Variants in RSPH14 observed in about 807,000 individuals in gnomAD.
RSPH14 encodes radial spoke head 14 homolog, also known as rhabdoid tumor deletion region gene 1.
In RSPH14, 20 loss-of-function variants were observed where a neutral mutation model predicts 26.7. The ratio of observed to expected loss-of-function variants is 0.75; its 90% confidence interval spans 0.53 to 1.09. The LOEUF (loss-of-function observed/expected upper bound fraction) is 1.09. RSPH14 is among the 50% of genes least tolerant of loss of function. The pLI is 0.00. For synonymous variants in RSPH14, 177 were observed against 189.3 expected (o/e 0.93, Z 0.53); for missense variants, 449 against 457.2 (o/e 0.98, Z 0.16).
At chr22:23,130,095 GA>G (rs1181456631) in intron 4 of RSPH14, among the ~76,000 whole-genome samples, 13 of 45,940 alleles carry the variant, frequency 2.8e-4, no homozygotes, top group South Asian at 7.4e-4. Context: ...AAGAAAGAAA[GA>G]AAGAAAGAAA....
intron 4 of RSPH14, among the ~76,000 whole-genome samples, chr22:23,087,479 C>T (rs967484171): frequency 2.0e-5 from 3 of 152,258 alleles, no homozygotes; most frequent in Middle Eastern, 3.4e-3. Flanking sequence ...AGCTTATAAC[C>T]GCCCAAGGGG....
the RSPH14 span, chr22:23,152,648 C>CCT: frequency 1.1e-6 from 1 of 928,486 alleles, no homozygotes; most frequent in African/African-American, 1.6e-5. Flanking sequence ...AACTGCTGTG[C>CCT]CTCAGCCTGC....
the RSPH14 span, among the ~76,000 whole-genome samples, chr22:23,153,985 G>A: frequency 2.0e-5 from 3 of 151,954 alleles, no homozygotes; most frequent in East Asian, 1.9e-4. Context: ...CACCGTACCC[G>A]GCCCACTTCT....
chr22:23,059,459 G>T lies in RSPH14; in HGVS notation c.*3C>A, dbSNP rs779850565. On this transcript the variant is annotated 3_prime_UTR_variant, in exon 7 of 7. Coordinates refer to ENST00000216036, the MANE Select transcript of RSPH14 (RefSeq NM_014433.3). The stretch of plus-strand genomic sequence containing the variant: ...TATTCACTCACAGAGGTGAATGAAG[G>T]GCTCAGGGTTTGAACTCGATGACAC... 1.3e-6 allele frequency: 2 copies of T among 1,595,486 alleles called. No homozygotes were observed. Among genetic ancestry groups the T allele is most frequent in the Non-Finnish European group, 1.7e-6 (2 of 1,168,134 alleles).
At chr22:23,068,863 T>A (rs1210833453) in intron 4 of RSPH14, among the ~76,000 whole-genome samples, 1 of 152,088 alleles carries the variant, frequency 6.6e-6, no homozygotes, top group African/African-American at 2.4e-5. Context: ...TGGCAAGAGG[T>A]CCAGCCTGAC....
At chr22:23,105,904 T>A (rs6003508) in intron 4 of RSPH14, among the ~76,000 whole-genome samples, 16,661 of 152,106 alleles carry the variant, frequency 0.11, 2,923 homozygotes, top group African/African-American at 0.37. Flanking sequence ...GCAGGAGAGC[T>A]TATGGGGTCA....
At chr22:23,106,194 G>A (rs1376937150) in intron 4 of RSPH14, among the ~76,000 whole-genome samples, 2 of 152,344 alleles carry the variant, frequency 1.3e-5, no homozygotes, top group East Asian at 3.9e-4. Context: ...CTCCCATTTG[G>A]ACCTAAGACC....
intron 2 of RSPH14, among the ~76,000 whole-genome samples, chr22:23,139,870 G>A (rs758672241): frequency 1.3e-5 from 2 of 152,064 alleles, no homozygotes; most frequent in Non-Finnish European, 2.9e-5. Flanking sequence ...AGAACAGCCT[G>A]GGCAACACAG....
rs1243181000 is a variant in RSPH14 at position 23,061,827 on chromosome 22, C to T, written c.772G>A (p.Ala258Thr). The T allele has an allele frequency of 8.1e-6, 13 of 1,613,924 alleles. No homozygotes were observed. Among genetic ancestry groups the T allele is most frequent in the African/African-American group, 4.0e-5 (3 of 74,902 alleles). ...GCCTCACCTTCAGTGATCACTGTGG[C>T]GAACATCAGGGCACCGGCAGCGTTA... ...KSNAAGALMF[A>T]TVITEGKYAA... The change falls in exon 6 of 7, where the codon GCC (alanine) becomes ACC (threonine). Residue 258 changes from alanine (A) to threonine (T), a missense_variant. Coordinates refer to ENST00000216036, the MANE Select transcript of RSPH14 (RefSeq NM_014433.3).
chr22:23,100,615 G>A lies in RSPH14; in HGVS notation c.421+33411C>T, dbSNP rs962482880. Among the ~76,000 whole-genome samples, 2 of 152,226 alleles carry A rather than the reference G, an allele frequency of 1.3e-5. 1 individual carries two copies. The highest frequency in any genetic ancestry group is 3.8e-4 in the East Asian group (2 of 5,200). On this transcript the variant is annotated intron_variant, in intron 4 of 6. Transcript: ENST00000216036. The stretch of plus-strand genomic sequence containing the variant: ...CTGAGGAACCCCTCCCCACTCCAGG[G>A]CAGGTCAGCAGCCTCAGCACACCAC...
At chr22:23,089,976 C>T (rs531710935) in intron 4 of RSPH14, among the ~76,000 whole-genome samples, 15 of 152,298 alleles carry the variant, frequency 9.8e-5, no homozygotes, top group African/African-American at 2.9e-4. Context: ...GCCAGCATGT[C>T]GAACCTGGTG....
At chr22:23,094,454 G>A (rs2069067780) in intron 4 of RSPH14, among the ~76,000 whole-genome samples, 2 of 152,170 alleles carry the variant, frequency 1.3e-5, no homozygotes, top group Admixed American at 1.3e-4. Context: ...AGGCCACCCT[G>A]CCTTGCCCTG....
the RSPH14 span, chr22:23,152,336 C>A: frequency 2.1e-6 from 2 of 944,746 alleles, no homozygotes; most frequent in Admixed American, 1.8e-5. Context: ...AGCAGGGTGG[C>A]CCATCCTGTG....
rs990368009 is a variant in RSPH14, at chr22:23,071,464, C to G, written c.422-7331G>C. Among the ~76,000 whole-genome samples the G allele has an allele frequency of 1.3e-4, 20 of 152,214 alleles. No homozygotes were observed. The highest frequency in any genetic ancestry group is 4.6e-4 in the African/African-American group (19 of 41,460). ...GAGAGGTCTGTCTTGCTTGGGGAGA[C>G]AGCTGAGCCCCTGACCGGCTCCTTT... On this transcript the variant is annotated intron_variant, in intron 4 of 6. Coordinates refer to ENST00000216036, the MANE Select transcript of RSPH14 (RefSeq NM_014433.3). The surrounding 1 kb of genome is among the most constrained non-coding windows in gnomAD (Gnocchi z 4.1).
the RSPH14 span, among the ~76,000 whole-genome samples, chr22:23,171,854 AC>A: frequency 0.5 from 32,268 of 64,260 alleles, 6,224 homozygotes; most frequent in East Asian, 0.67. Context: ...AAAAAAAAAA[AC>A]AAAAAAAAAA....
chr22:23,095,581 A>C (rs1202151115), intron 4 of RSPH14: 1 of 1,192,250 alleles, frequency 8.4e-7, no homozygotes, highest in African/African-American at 1.5e-5. Context: ...CCCTGCTGGC[A>C]CTGAGTGCCT....
the RSPH14 span, among the ~76,000 whole-genome samples, chr22:23,177,299 T>C: frequency 3.3e-5 from 5 of 151,928 alleles, no homozygotes; most frequent in Admixed American, 2.0e-4. Context: ...ACCTTTGCTA[T>C]AGCCGGGCTG....
intron 4 of RSPH14, among the ~76,000 whole-genome samples, chr22:23,090,381 C>T (rs2068937116): frequency 6.6e-6 from 1 of 152,180 alleles, no homozygotes. Flanking sequence ...CCACTTCCCC[C>T]AGCCCTCACC....
At chr22:23,130,528 G>GAAAGAA in intron 4 of RSPH14, among the ~76,000 whole-genome samples, 1 of 151,010 alleles carries the variant, frequency 6.6e-6, no homozygotes, top group East Asian at 1.9e-4. Context: ...AAGAAAGAAA[G>GAAAGAA]AAAGAGAAAG....
Sources: allele counts gnomAD v4.1 joint callset (sites outside exome capture counted in the v4.1 genomes callset), GRCh38; gene constraint gnomAD v4.1.1; non-coding constraint Gnocchi (gnomAD v3.1); transcripts MANE v1.5; gene names NCBI Gene and HGNC (gene_info 2026-07-23, HGNC 2026-07-21).